GRB10: variants seen among roughly 807,000 people sequenced by gnomAD.
GRB10 encodes growth factor receptor-bound protein 10.
In GRB10, 20 loss-of-function variants were observed where a neutral mutation model predicts 80.9. The observed-to-expected ratio is 0.25, with a 90% CI of 0.17 to 0.36. The LOEUF is 0.36. Among genes scored for constraint, GRB10 ranks in the 10% least tolerant of loss-of-function variants. GRB10 has a pLI of 1.00. For missense variants in GRB10, 548 were observed against 747.7 expected, an observed-to-expected ratio of 0.73 and a Z score of 3.12; for synonymous variants, 291 against 291.5, an observed-to-expected ratio of 1.00 and a Z score of 0.02.
In GRB10 at chr7:50,669,700, C is replaced by A. The variant is rs1163473199; in HGVS notation, c.504+22G>T. ...AATCTGGCATATCCCTCAGCCTGGG[C>A]TCCAGCCAGGGGCACACTCACCTGC... On this transcript the variant is annotated intron_variant, in intron 7 of 18. Coordinates refer to ENST00000401949, the MANE Select transcript of GRB10 (RefSeq NM_001350814.2). The A allele has an allele frequency of 1.9e-6, 3 of 1,610,248 alleles. No individual in the cohort carries two copies. The South Asian group carries it at 3.3e-5, about 18-fold the overall frequency.
At chr7:50,647,779 G>T (rs1246009609) in intron 7 of GRB10, among the ~76,000 whole-genome samples, 1 of 152,196 alleles carries the variant, frequency 6.6e-6, no homozygotes, top group African/African-American at 2.4e-5. Context: ...TAAAGCCCAG[G>T]CCTGGGTCCC....
chr7:50,685,276 G>C (rs2061986243), intron 5 of GRB10, among the ~76,000 whole-genome samples: 1 of 152,190 alleles, frequency 6.6e-6, no homozygotes, highest in South Asian at 2.1e-4. Flanking sequence ...GACGTCTTAA[G>C]CAACGATCTT....
chr7:50,641,278 G>GC lies in GRB10; in HGVS notation c.505-14301_505-14300insG, dbSNP rs1563257121. Among the ~76,000 whole-genome samples, 14 of 117,394 alleles carry GC rather than the reference G, an allele frequency of 1.2e-4. 1 individual carries two copies. Among genetic ancestry groups the GC allele is most frequent in the African/African-American group, 4.0e-4 (13 of 32,490 alleles). 77.0% of individuals were successfully genotyped at this position (117,394 alleles called of 152,430 possible). On this transcript the variant is annotated intron_variant, in intron 7 of 18. Transcript: ENST00000401949. ...TTGAATTTTATACTCATCAAAAAAG[G>GC]TGGGGGGGTAGCCTTCATTCAAACC...
intron 3 of GRB10, among the ~76,000 whole-genome samples, chr7:50,739,067 G>C (rs941568845): frequency 2.6e-5 from 4 of 152,168 alleles, no homozygotes; most frequent in East Asian, 3.8e-4. Flanking sequence ...CGTTCAAGCA[G>C]AGTCAAAAGT....
Position 50,760,972 on chromosome 7 carries a change from T to C in GRB10, c.-216-4916A>G, listed in dbSNP as rs1033011005. ...TTACCAAATGCTTTACAATCTCTCA[T>C]GGGAGGGCTTTTTGAAGATCAAATT... On this transcript the variant is annotated intron_variant, in intron 2 of 18. Transcript: ENST00000401949. Among the ~76,000 whole-genome samples the C allele has an allele frequency of 7.2e-5, 11 of 152,306 alleles. No individual in the cohort carries two copies. The East Asian group carries it at 1.2e-3, about 16-fold the overall frequency.
At chr7:50,666,007 C>T (rs998162566) in intron 7 of GRB10, among the ~76,000 whole-genome samples, 3 of 152,190 alleles carry the variant, frequency 2.0e-5, no homozygotes, top group Non-Finnish European at 2.9e-5. Flanking sequence ...TGCAGGGTCA[C>T]GAAGCCAGGG....
At chr7:50,646,254 G>A (rs185463562) in intron 7 of GRB10, among the ~76,000 whole-genome samples, 2 of 152,306 alleles carry the variant, frequency 1.3e-5, no homozygotes, top group Admixed American at 1.3e-4. Flanking sequence ...TGGAAAGCAC[G>A]GGGGCCCTTG....
chr7:50,755,196 C>T (rs1284178076), intron 3 of GRB10, among the ~76,000 whole-genome samples: 2 of 152,206 alleles, frequency 1.3e-5, no homozygotes, highest in South Asian at 2.1e-4. Context: ...GTGCTGAAGC[C>T]GTTCTGGCCT....
chr7:50,734,631 A>G (rs2070474250), intron 3 of GRB10, among the ~76,000 whole-genome samples: 1 of 152,232 alleles, frequency 6.6e-6, no homozygotes, highest in Admixed American at 6.5e-5. Flanking sequence ...ATGTGTGTTA[A>G]GACTGTCAAA....
At chr7:50,628,543 A>AAC (rs1475124313) in intron 7 of GRB10, among the ~76,000 whole-genome samples, 1 of 144,796 alleles carries the variant, frequency 6.9e-6, no homozygotes, top group Non-Finnish European at 1.5e-5. Context: ...AGTCAATGTC[A>AAC]CTCAAGCCTG....
At chr7:50,775,161 C>CAAAAAAAAGAAAAAAAAAAA (rs2077462522) in intron 2 of GRB10, among the ~76,000 whole-genome samples, 1 of 31,026 alleles carries the variant, frequency 3.2e-5, no homozygotes, top group Non-Finnish European at 6.5e-5. Flanking sequence ...ATCCTGTCTC[C>CAAAAAAAAGAAAAAAAAAAA]AAAAAAAAAA....
intron 3 of GRB10, among the ~76,000 whole-genome samples, chr7:50,746,656 T>C (rs939205046): frequency 6.6e-6 from 1 of 152,150 alleles, no homozygotes; most frequent in Non-Finnish European, 1.5e-5. Context: ...AGCTACTCAC[T>C]TTCTCCACAA....
chr7:50,618,581 C>G (rs942558401), intron 9 of GRB10, among the ~76,000 whole-genome samples: 2 of 152,212 alleles, frequency 1.3e-5, no homozygotes. Context: ...TTATCAGAGT[C>G]AGAAATGGCC....
At chr7:50,624,164 C>T (rs562673943) in intron 8 of GRB10, among the ~76,000 whole-genome samples, 12 of 152,280 alleles carry the variant, frequency 7.9e-5, no homozygotes, top group African/African-American at 2.4e-4. Context: ...TGCCTTTTGC[C>T]CCAGCCACCA....
chr7:50,696,226 A>G (rs2063397496), intron 5 of GRB10, among the ~76,000 whole-genome samples: 1 of 152,324 alleles, frequency 6.6e-6, no homozygotes, highest in East Asian at 1.9e-4. Context: ...TAAATGTATG[A>G]CCTTTGCAAG....
intron 7 of GRB10, among the ~76,000 whole-genome samples, chr7:50,656,558 G>A (rs1030496772): frequency 2.6e-5 from 4 of 152,164 alleles, no homozygotes; most frequent in South Asian, 2.1e-4. Context: ...AAATAGCCAC[G>A]GAAAAGCCAG....
intron 2 of GRB10, among the ~76,000 whole-genome samples, chr7:50,760,811 G>T (rs906274548): frequency 6.6e-6 from 1 of 152,140 alleles, no homozygotes; most frequent in African/African-American, 2.4e-5. Flanking sequence ...AGGATCCCTG[G>T]GACTAGAATC....
intron 3 of GRB10, among the ~76,000 whole-genome samples, chr7:50,733,603 A>AAG (rs2070281283): frequency 6.6e-6 from 1 of 152,232 alleles, no homozygotes; most frequent in Non-Finnish European, 1.5e-5. Context: ...GAGCAGGTCC[A>AAG]TGACCTGGCT....
At chr7:50,668,376 A>AAAC (rs10623495) in intron 7 of GRB10, among the ~76,000 whole-genome samples, 138,231 of 152,010 alleles carry the variant, frequency 0.91, 63,028 homozygotes, top group African/African-American at 0.97. Flanking sequence ...AATGACTTCT[A>AAAC]AATATGCATT....
Sources: gnomAD v4.1 joint callset for allele counts (sites outside exome capture counted in the v4.1 genomes callset) on GRCh38, gnomAD v4.1.1 for gene constraint, MANE v1.5 for transcripts, NCBI Gene and HGNC (gene_info 2026-07-23, HGNC 2026-07-21) for gene names.